ROBO2: variants seen among roughly 807,000 people sequenced by gnomAD.
ROBO2 encodes roundabout guidance receptor 2.
In ROBO2, 53 loss-of-function variants were observed where a neutral mutation model predicts 160.8. That is an observed-to-expected ratio of 0.33 (90% CI 0.26 to 0.41). The LOEUF is 0.41. ROBO2 is among the 10% of genes least tolerant of loss of function. The pLI, the probability that ROBO2 is intolerant of heterozygous loss-of-function variation, is 1.00. For missense variants in ROBO2, 1,577 were observed against 1,722.4 expected, an observed-to-expected ratio of 0.92 and a Z score of 1.49; for synonymous variants, 664 against 611.7, an observed-to-expected ratio of 1.09 and a Z score of -1.26.
rs532826544 is a variant in ROBO2, at chr3:76,291,443, T to C, written c.109+353841T>C. Reference sequence around the variant, plus strand: ...TTTTCATTATTAGTCTAGCTAGCAGTTTATCAATCATATGTATTCTTTCAA... The same window carrying C: ...TTTTCATTATTAGTCTAGCTAGCAGCTTATCAATCATATGTATTCTTTCAA... On this transcript the variant is annotated intron_variant, in intron 2 of 26. Coordinates refer to the ROBO2 transcript ENST00000487694. 2.0e-5 allele frequency among the ~76,000 whole-genome samples: 3 copies of C among 152,220 alleles called. No individual in the cohort carries two copies. In the South Asian group the frequency reaches 6.2e-4, roughly 32 times the overall value.
intron 7 of ROBO2, among the ~76,000 whole-genome samples, chr3:77,549,593 A>G (rs896615237): frequency 1.3e-5 from 2 of 152,050 alleles, no homozygotes; most frequent in African/African-American, 4.8e-5. Flanking sequence ...AAGTGGGCTT[A>G]TAGTGTCACA....
chr3:77,449,360 T>C (rs866806589), intron 2 of ROBO2, among the ~76,000 whole-genome samples: 5 of 152,096 alleles, frequency 3.3e-5, no homozygotes, highest in Admixed American at 1.3e-4. Flanking sequence ...GCGTATGGGG[T>C]AAGTGAATTT....
intron 2 of ROBO2, among the ~76,000 whole-genome samples, chr3:77,217,431 C>T (rs1165504903): frequency 1.3e-5 from 2 of 152,118 alleles, no homozygotes; most frequent in African/African-American, 4.8e-5. Context: ...GCATGGGCCA[C>T]CATGCCTGGC....
In ROBO2 at chr3:77,215,600, AG is replaced by A. The variant is rs776521871; in HGVS notation, c.388+117261del. 2.8e-3 allele frequency among the ~76,000 whole-genome samples: 427 copies of A among 152,216 alleles called. 2 individuals are homozygous for A. Among genetic ancestry groups the A allele is most frequent in the Non-Finnish European group, 4.4e-3 (299 of 68,012 alleles). ...AACTCGTCAAAGTCATTCTCTGTCC[AG>A]CTTTGTTCCATTGCTGGTGAGGAGC... is the stretch of plus-strand genomic sequence containing the variant. On this transcript the variant is annotated intron_variant, in intron 2 of 25. Coordinates refer to ENST00000461745, the Ensembl canonical transcript of ROBO2.
chr3:76,953,778 C>T (rs898937049), intron 2 of ROBO2, among the ~76,000 whole-genome samples: 1 of 152,190 alleles, frequency 6.6e-6, no homozygotes, highest in African/African-American at 2.4e-5. Context: ...CCTTCTCTCA[C>T]ACTTTAAAGG....
At position 76,963,424 on chromosome 3, in the gene ROBO2, C is replaced by T. The variant is rs531645883; in HGVS notation, c.110-134590C>T. Among the ~76,000 whole-genome samples the T allele has an allele frequency of 1.1e-4, 16 of 152,034 alleles. No individual in the cohort carries two copies. In the South Asian group the frequency reaches 3.3e-3, roughly 32 times the overall value. ...GTGCACTTTAAAATTATGCTTATACCATGAGGGGAACTTAGCACTAATGAA... is the reference window on the plus strand; with the variant it reads ...GTGCACTTTAAAATTATGCTTATACTATGAGGGGAACTTAGCACTAATGAA... On this transcript the variant is annotated intron_variant, in intron 2 of 26. Coordinates refer to the ROBO2 transcript ENST00000487694.
At chr3:77,576,351 T>C (rs1228021690) in intron 14 of ROBO2, among the ~76,000 whole-genome samples, 1 of 152,142 alleles carries the variant, frequency 6.6e-6, no homozygotes, top group Non-Finnish European at 1.5e-5. Context: ...TTTTAAAATA[T>C]ATTTTAGGAT....
chr3:77,099,564 TG>T (rs1407275784), intron 2 of ROBO2, among the ~76,000 whole-genome samples: 1 of 152,196 alleles, frequency 6.6e-6, no homozygotes, highest in African/African-American at 2.4e-5. Context: ...TTTTATAAAA[TG>T]ATACTTCAAA....
chr3:77,538,241 C>A (rs567035639), intron 6 of ROBO2, among the ~76,000 whole-genome samples: 3 of 133,098 alleles, frequency 2.3e-5, no homozygotes, highest in Admixed American at 8.5e-5. Context: ...TGCAGTGGTG[C>A]GATCTCGGCT....
intron 2 of ROBO2, among the ~76,000 whole-genome samples, chr3:76,659,532 T>G (rs535352692): frequency 6.6e-6 from 1 of 152,172 alleles, no homozygotes; most frequent in Non-Finnish European, 1.5e-5. Context: ...TACTATAATT[T>G]CTCTCAGCTA....
intron 2 of ROBO2, among the ~76,000 whole-genome samples, chr3:76,764,222 A>G (rs1262367089): frequency 1.3e-5 from 2 of 151,102 alleles, no homozygotes; most frequent in East Asian, 4.0e-4. Context: ...AACGACTGAA[A>G]CATAACCCAA....
intron 2 of ROBO2, among the ~76,000 whole-genome samples, chr3:76,290,300 T>A (rs1430678686): frequency 6.6e-6 from 1 of 152,126 alleles, no homozygotes; most frequent in Non-Finnish European, 1.5e-5. Context: ...TTGTGGCTAA[T>A]ATGAATGGAA....
chr3:76,787,555 T>C (rs1480533155), intron 2 of ROBO2, among the ~76,000 whole-genome samples: 2 of 151,420 alleles, frequency 1.3e-5, no homozygotes, highest in African/African-American at 2.4e-5. Flanking sequence ...AATGTGACTT[T>C]CTGCAATATA....
intron 2 of ROBO2, among the ~76,000 whole-genome samples, chr3:76,708,523 CAACCAA>C (rs1280429457): frequency 1.3e-5 from 2 of 152,158 alleles, no homozygotes; most frequent in Non-Finnish European, 2.9e-5. Flanking sequence ...GTAAAAACAA[CAACCAA>C]AAACCACACA....
chr3:77,283,141 C>G (rs888937502), intron 2 of ROBO2, among the ~76,000 whole-genome samples: 1 of 151,886 alleles, frequency 6.6e-6, no homozygotes, highest in African/African-American at 2.4e-5. Flanking sequence ...TCTAGAACAA[C>G]TAGAAAAATA....
At chr3:77,473,736 G>T (rs928782976) in intron 2 of ROBO2, among the ~76,000 whole-genome samples, 1 of 152,006 alleles carries the variant, frequency 6.6e-6, no homozygotes, top group African/African-American at 2.4e-5. Context: ...GATTACAGGC[G>T]TGAGCCACCG....
chr3:76,711,111 C>T (rs2093283989), intron 2 of ROBO2, among the ~76,000 whole-genome samples: 1 of 152,084 alleles, frequency 6.6e-6, no homozygotes, highest in Non-Finnish European at 1.5e-5. Flanking sequence ...TTCTCAAATG[C>T]TATGTAAAAC....
intron 2 of ROBO2, among the ~76,000 whole-genome samples, chr3:76,845,242 A>G (rs2068667461): frequency 6.6e-6 from 1 of 152,022 alleles, no homozygotes; most frequent in South Asian, 2.1e-4. Flanking sequence ...AAAAAAATTC[A>G]GATGCAATTT....
intron 2 of ROBO2, among the ~76,000 whole-genome samples, chr3:76,310,334 C>T (rs187887156): frequency 2.0e-4 from 30 of 152,258 alleles, no homozygotes; most frequent in African/African-American, 6.3e-4. Flanking sequence ...GTGATTAACA[C>T]GTTCCAGAAA....
Sources: allele counts gnomAD v4.1 joint callset (sites outside exome capture counted in the v4.1 genomes callset), GRCh38; gene constraint gnomAD v4.1.1; transcripts MANE v1.5; gene names NCBI Gene and HGNC (gene_info 2026-07-23, HGNC 2026-07-21).